Variants in CCSER1 observed in about 807,000 individuals in gnomAD.
CCSER1 encodes serine-rich coiled-coil domain-containing protein 1.
Under a neutral mutation model 82.0 loss-of-function variants are expected in CCSER1, and 41 were observed. The ratio of observed to expected loss-of-function variants is 0.50; its 90% CI spans 0.39 to 0.65. The LOEUF is 0.65. CCSER1 is among the 30% of genes least tolerant of loss of function. The pLI is 0.00. For synonymous variants in CCSER1, 414 were observed against 383.9 expected, an observed-to-expected ratio of 1.08 and a Z score of -0.92; for missense variants, 1,119 against 1,064.2, an observed-to-expected ratio of 1.05 and a Z score of -0.72.
At chr4:90,540,066 A>G (rs957983618) in intron 5 of CCSER1, among the ~76,000 whole-genome samples, 29 of 152,234 alleles carry the variant, frequency 1.9e-4, no homozygotes, top group African/African-American at 7.0e-4. Context: ...TAGTTTGTGC[A>G]GTTAGATTTT....
chr4:91,346,163 C>T (rs55810072), intron 10 of CCSER1, among the ~76,000 whole-genome samples: 13,016 of 151,580 alleles, frequency 0.086, 1,874 homozygotes, highest in African/African-American at 0.3. Context: ...ACTACAGGCG[C>T]TCACCACCAC....
chr4:90,542,436 A>G (rs140977416), intron 5 of CCSER1, among the ~76,000 whole-genome samples: 163 of 152,158 alleles, frequency 1.1e-3, no homozygotes, highest in African/African-American at 3.4e-3. Flanking sequence ...TGTTGTTGCT[A>G]TGGGATAACA....
rs556311237 is a variant in CCSER1, at chr4:90,281,896, T to C, written c.-41-26348T>C. ...TCAATGAATAAAAATCCAACTTGAG[T>C]CACCATGGGAATACCCGTGATTGAC... On this transcript the variant is annotated intron_variant, in intron 1 of 10. Transcript: ENST00000509176. 5.3e-5 allele frequency among the ~76,000 whole-genome samples: 8 copies of C among 152,140 alleles called. No individual in the cohort carries two copies. In the East Asian group the frequency reaches 1.5e-3, roughly 29 times the overall value.
chr4:90,366,989 C>T (rs917978112), intron 3 of CCSER1, among the ~76,000 whole-genome samples: 1 of 151,634 alleles, frequency 6.6e-6, no homozygotes, highest in African/African-American at 2.4e-5. Context: ...TAAAATGAAG[C>T]ATATAGGGGT....
chr4:90,310,114 A>G (rs929938247), intron 2 of CCSER1, among the ~76,000 whole-genome samples: 6 of 152,090 alleles, frequency 3.9e-5, no homozygotes, highest in African/African-American at 1.4e-4. Flanking sequence ...CCATGTTTCA[A>G]CATAAATAAT....
At chr4:90,232,496 G>A (rs1744806033) in intron 1 of CCSER1, among the ~76,000 whole-genome samples, 2 of 151,906 alleles carry the variant, frequency 1.3e-5, no homozygotes, top group Admixed American at 6.6e-5. Flanking sequence ...AGACTTAAAT[G>A]TTAGACCTAA....
At chr4:90,369,977 T>C (rs906396021) in intron 3 of CCSER1, 4 of 152,102 alleles carry the variant, frequency 2.6e-5, no homozygotes, top group African/African-American at 9.6e-5. Flanking sequence ...ATTTTTGTTT[T>C]ATTTAATACT....
intron 7 of CCSER1, among the ~76,000 whole-genome samples, chr4:90,747,022 T>A (rs1160577713): frequency 2.6e-5 from 4 of 152,152 alleles, no homozygotes; most frequent in African/African-American, 9.6e-5. Context: ...TTGCTTGATA[T>A]AACTGAGGAG....
intron 10 of CCSER1, among the ~76,000 whole-genome samples, chr4:91,268,930 G>T (rs13142137): frequency 6.6e-6 from 1 of 152,132 alleles, no homozygotes; most frequent in Non-Finnish European, 1.5e-5. Context: ...GGACGTATAC[G>T]TGCAGGCTTG....
chr4:91,480,120 A>G (rs1253301603), intron 10 of CCSER1, among the ~76,000 whole-genome samples: 1 of 150,570 alleles, frequency 6.6e-6, no homozygotes, highest in Non-Finnish European at 1.5e-5. Context: ...TATGTGCCAC[A>G]TTTTCTTAAT....
chr4:91,162,831 A>G (rs576659523), intron 10 of CCSER1, among the ~76,000 whole-genome samples: 1 of 151,754 alleles, frequency 6.6e-6, no homozygotes, highest in East Asian at 1.9e-4. Context: ...TTTCTTCTTT[A>G]TTAGTCTGGC....
At chr4:91,168,180 ATCGTC>A (rs1732334468) in intron 10 of CCSER1, among the ~76,000 whole-genome samples, 1 of 53,870 alleles carries the variant, frequency 1.9e-5, no homozygotes, top group Admixed American at 2.4e-4. Context: ...CCGGCCGCCC[ATCGTC>A]TGGGAAGTGA....
chr4:91,403,652 T>C (rs939835330), intron 10 of CCSER1, among the ~76,000 whole-genome samples: 1 of 152,160 alleles, frequency 6.6e-6, no homozygotes, highest in Non-Finnish European at 1.5e-5. Flanking sequence ...ATTGAGGTAA[T>C]CATGTGGTTT....
chr4:90,367,474 A>G (rs182909647), intron 3 of CCSER1, among the ~76,000 whole-genome samples: 33 of 152,056 alleles, frequency 2.2e-4, no homozygotes, highest in Admixed American at 2.1e-3. Flanking sequence ...CTTGGCAAAT[A>G]GTGCTTGTGT....
At chr4:91,035,692 A>G (rs1741375850) in intron 9 of CCSER1, among the ~76,000 whole-genome samples, 1 of 152,128 alleles carries the variant, frequency 6.6e-6, no homozygotes. Context: ...GCAAAGTAGT[A>G]GGTAATTTTG....
chr4:91,288,758 G>A (rs1461941645), intron 10 of CCSER1, among the ~76,000 whole-genome samples: 2 of 152,034 alleles, frequency 1.3e-5, no homozygotes, highest in Admixed American at 1.3e-4. Context: ...ATTGCAGCTA[G>A]GGGAAGGGAG....
intron 5 of CCSER1, among the ~76,000 whole-genome samples, chr4:90,515,172 T>C (rs1056731356): frequency 6.6e-6 from 1 of 152,176 alleles, no homozygotes; most frequent in Non-Finnish European, 1.5e-5. Context: ...TTAATTTCCA[T>C]GTATACAATT....
chr4:90,283,804 C>T (rs1182017121), intron 1 of CCSER1, among the ~76,000 whole-genome samples: 1 of 152,012 alleles, frequency 6.6e-6, no homozygotes, highest in Non-Finnish European at 1.5e-5. Context: ...ATGTATATCT[C>T]TTTTCGTTGT....
At chr4:90,374,061 T>C (rs942433723) in intron 3 of CCSER1, among the ~76,000 whole-genome samples, 3 of 152,228 alleles carry the variant, frequency 2.0e-5, no homozygotes, top group African/African-American at 7.2e-5. Flanking sequence ...TCCACGAAAC[T>C]GTAGCAGGCT....
Sources: gnomAD v4.1 joint callset for allele counts (sites outside exome capture counted in the v4.1 genomes callset) on GRCh38, gnomAD v4.1.1 for gene constraint, MANE v1.5 for transcripts, NCBI Gene and HGNC (gene_info 2026-07-23, HGNC 2026-07-21) for gene names.